The following KCNK2 variants were observed in gnomAD, a reference collection of about 807,000 sequenced individuals.
KCNK2 encodes the protein potassium two pore domain channel subfamily K member 2.
Under a neutral mutation model 40.5 loss-of-function variants are expected in KCNK2, and 21 were observed. That is an observed-to-expected ratio of 0.52 (90% CI 0.37 to 0.75). KCNK2 has a LOEUF of 0.75. Among genes scored for constraint, KCNK2 ranks in the 30% least tolerant of loss-of-function variants. The pLI, the probability that KCNK2 is intolerant of heterozygous loss-of-function variation, is 0.00. For synonymous variants in KCNK2, 191 were observed against 202.2 expected, an observed-to-expected ratio of 0.94 and a Z score of 0.47; for missense variants, 399 against 531.6, an observed-to-expected ratio of 0.75 and a Z score of 2.45.
chr1:215,072,859 G>C (rs1357846394), intron 1 of KCNK2, among the ~76,000 whole-genome samples: 1 of 152,134 alleles, frequency 6.6e-6, no homozygotes, highest in African/African-American at 2.4e-5. Context: ...GCAATGTTAT[G>C]GGCTGAGTTT....
chr1:215,020,553 A>G (rs4356023), intron 1 of KCNK2, among the ~76,000 whole-genome samples: 66,784 of 151,892 alleles, frequency 0.44, 16,367 homozygotes, highest in Non-Finnish European at 0.55. Context: ...AGCCTCTTGA[A>G]TAGCTGGGAC....
intron 6 of KCNK2, among the ~76,000 whole-genome samples, chr1:215,210,013 TATATAATATATATTATATATA>T (rs1665658739): frequency 9.7e-5 from 2 of 20,580 alleles, no homozygotes; most frequent in African/African-American, 3.0e-4. Flanking sequence ...TTATATATAA[TATATAATATATATTATATATA>T]ATATATATAA....
chr1:215,078,482 A>G (rs1045787876), upstream of KCNK2, among the ~76,000 whole-genome samples: 2 of 152,226 alleles, frequency 1.3e-5, no homozygotes, highest in Non-Finnish European at 2.9e-5. Context: ...CACCTCTTCC[A>G]GGGCAGCAGG....
chr1:215,157,981 G>C (rs1663006343), intron 3 of KCNK2, among the ~76,000 whole-genome samples: 1 of 152,164 alleles, frequency 6.6e-6, no homozygotes, highest in Non-Finnish European at 1.5e-5. Flanking sequence ...GGATGAGGGA[G>C]CTCTAATTAA....
chr1:215,230,505 CTG>C (rs201557424), intron 6 of KCNK2, among the ~76,000 whole-genome samples: 23 of 65,530 alleles, frequency 3.5e-4, no homozygotes, highest in Non-Finnish European at 4.3e-4. Flanking sequence ...ACACACACGG[CTG>C]TATATATATA....
intron 6 of KCNK2, among the ~76,000 whole-genome samples, chr1:215,212,821 C>T (rs1200655209): frequency 6.6e-6 from 1 of 152,152 alleles, no homozygotes; most frequent in Non-Finnish European, 1.5e-5. Flanking sequence ...ATCTGAGATT[C>T]CCTTTGATCC....
chr1:215,034,832 A>C (rs1044762946), intron 1 of KCNK2, among the ~76,000 whole-genome samples: 3 of 152,152 alleles, frequency 2.0e-5, no homozygotes, highest in African/African-American at 7.2e-5. Context: ...ACCCATGTAC[A>C]TACATATCTC....
chr1:215,134,219 T>A (rs1054259583), intron 3 of KCNK2, among the ~76,000 whole-genome samples: 10 of 152,148 alleles, frequency 6.6e-5, no homozygotes, highest in African/African-American at 2.4e-4. Flanking sequence ...CTGGGTTTCC[T>A]CTACTTCAAT....
intron 6 of KCNK2, among the ~76,000 whole-genome samples, chr1:215,210,309 C>T (rs1665684114): frequency 6.6e-6 from 1 of 151,450 alleles, no homozygotes; most frequent in Non-Finnish European, 1.5e-5. Flanking sequence ...ACTACTGTTT[C>T]ATGTTCAGTA....
chr1:215,202,037 A>T (rs1665100538), intron 6 of KCNK2, among the ~76,000 whole-genome samples: 1 of 152,124 alleles, frequency 6.6e-6, no homozygotes. Context: ...TTGTTCTCTT[A>T]CTGAGATATT....
At chr1:215,010,913 A>C (rs1214147346) in intron 1 of KCNK2, among the ~76,000 whole-genome samples, 1 of 139,446 alleles carries the variant, frequency 7.2e-6, no homozygotes, top group African/African-American at 2.6e-5. Context: ...TGTGTATATA[A>C]ACACATATAT....
chr1:215,104,704 T>C (rs1571617577), intron 2 of KCNK2, among the ~76,000 whole-genome samples: 1 of 152,064 alleles, frequency 6.6e-6, no homozygotes, highest in Non-Finnish European at 1.5e-5. Context: ...AATTAATGGA[T>C]CATAAATACA....
chr1:215,081,169 GT>G (rs1399210589), upstream of KCNK2, among the ~76,000 whole-genome samples: 1 of 10,940 alleles, frequency 9.1e-5, no homozygotes, highest in Non-Finnish European at 5.1e-4. Context: ...ACGCAAATGT[GT>G]GTGTGTGTGT....
rs1244009384 is a variant in KCNK2 at position 215,209,448 on chromosome 1, ATATATTATATAT to A, written c.963+14362_963+14373del. ...ATATATATAATATAAAATATATAAT[ATATATTATATAT>A]TATATATAATATATATTATATATAA... On this transcript the variant is annotated intron_variant, in intron 6 of 6. Coordinates refer to ENST00000444842, the MANE Select transcript of KCNK2 (RefSeq NM_001017425.3). Among the ~76,000 whole-genome samples, 6 of 28,844 alleles carry A rather than the reference ATATATTATATAT, an allele frequency of 2.1e-4. 1 individual carries two copies. Among genetic ancestry groups the A allele is most frequent in the Admixed American group, 7.9e-4 (1 of 1,262 alleles). The allele number at this position is 28,844 out of a possible 152,430, so 18.9% of individuals were successfully genotyped here.
intron 3 of KCNK2, among the ~76,000 whole-genome samples, chr1:215,125,592 G>A (rs143585880): frequency 0.03 from 4,579 of 151,858 alleles, 93 homozygotes; most frequent in South Asian, 0.058. Context: ...CTGTTGTGGG[G>A]TGGGGAGATG....
intron 5 of KCNK2, among the ~76,000 whole-genome samples, chr1:215,181,777 A>G (rs1421909869): frequency 6.6e-6 from 1 of 152,142 alleles, no homozygotes; most frequent in Non-Finnish European, 1.5e-5. Flanking sequence ...ATCCTTTTTT[A>G]ACGGGAATAT....
chr1:215,154,720 C>T (rs144088420), intron 3 of KCNK2, among the ~76,000 whole-genome samples: 43 of 152,102 alleles, frequency 2.8e-4, no homozygotes, highest in African/African-American at 8.9e-4. Context: ...TTTGGTCTTA[C>T]GTTTAAGTCT....
chr1:215,114,881 C>T (rs1660852362), intron 2 of KCNK2, among the ~76,000 whole-genome samples: 1 of 151,996 alleles, frequency 6.6e-6, no homozygotes, highest in South Asian at 2.1e-4. Flanking sequence ...CAGGATCTGT[C>T]TATCAGGATA....
chr1:215,065,864 C>T (rs1658519054), intron 1 of KCNK2, among the ~76,000 whole-genome samples: 1 of 152,152 alleles, frequency 6.6e-6, no homozygotes, highest in Non-Finnish European at 1.5e-5. Flanking sequence ...GATGTAATGA[C>T]ATGCATCTTT....
Sources: allele counts gnomAD v4.1 joint callset (sites outside exome capture counted in the v4.1 genomes callset), GRCh38; gene constraint gnomAD v4.1.1; transcripts MANE v1.5; gene names NCBI Gene and HGNC (gene_info 2026-07-23, HGNC 2026-07-21).